The following B3GAT2 variants were observed in gnomAD, a reference collection of about 807,000 sequenced individuals.
B3GAT2 encodes the protein galactosylgalactosylxylosylprotein 3-beta-glucuronosyltransferase 2.
Under a neutral mutation model 27.8 loss-of-function variants are expected in B3GAT2, and 26 were observed. The observed-to-expected ratio is 0.93, with a 90% CI of 0.68 to 1.30. The LOEUF is 1.30. Ranked by LOEUF, B3GAT2 falls within the 50% of genes most tolerant of loss-of-function variation. The pLI is 0.00. For missense variants in B3GAT2, 458 were observed against 459.0 expected (o/e 1.00, Z 0.02); for synonymous variants, 218 against 195.1 (o/e 1.12, Z -0.98).
intron 1 of B3GAT2, among the ~76,000 whole-genome samples, chr6:70,934,787 T>C (rs1773116406): frequency 6.6e-6 from 1 of 152,200 alleles, no homozygotes; most frequent in Non-Finnish European, 1.5e-5. Flanking sequence ...CTAAATTCTA[T>C]CTCTAGCAAT....
At position 70,860,473 on chromosome 6, in the gene B3GAT2, GTTGGTCTGTA is replaced by G. The variant is rs1201528475; in HGVS notation, c.*1180_*1189del. ...TATTAAGAATGATCTGATTGACCGT[GTTGGTCTGTA>G]CTGATTCAATTTGATGTGGTGAAAA... On this transcript the variant is annotated 3_prime_UTR_variant, in exon 4 of 4. Transcript: ENST00000230053. 9.5e-7 allele frequency: 1 copy of G among 1,052,960 alleles called. No individual in the cohort carries two copies. The highest frequency in any genetic ancestry group is 1.3e-6 in the Non-Finnish European group (1 of 749,190). 65.2% of individuals were successfully genotyped at this position (1,052,960 alleles called of 1,614,324 possible).
chr6:70,886,780 T>A (rs1388495460), intron 2 of B3GAT2, among the ~76,000 whole-genome samples: 4 of 152,078 alleles, frequency 2.6e-5, no homozygotes, highest in African/African-American at 4.8e-5. Flanking sequence ...GGGCATCAAA[T>A]CCCTGCAAGT....
chr6:70,857,945 A>G lies in B3GAT2; in HGVS notation c.*3718T>C, dbSNP rs1771504423. The G allele has an allele frequency of 1.2e-6, 2 of 1,614,004 alleles. No individual in the cohort carries two copies. The highest frequency in any genetic ancestry group is 1.7e-6 in the Non-Finnish European group (2 of 1,180,002). On this transcript the variant is annotated 3_prime_UTR_variant, in exon 4 of 4. Transcript: ENST00000230053. ...AGGTGTATTTATGGGACCCACAAAT[A>G]TACCATTTACCTCACAAGCACCAGC... is the stretch of plus-strand genomic sequence containing the variant.
intron 1 of B3GAT2, among the ~76,000 whole-genome samples, chr6:70,948,507 AG>A (rs1358297247): frequency 6.6e-6 from 1 of 151,854 alleles, no homozygotes; most frequent in Non-Finnish European, 1.5e-5. Flanking sequence ...TAAAATACTT[AG>A]GAATCCAACT....
At chr6:70,866,831 A>G (rs937564977) in intron 2 of B3GAT2, among the ~76,000 whole-genome samples, 1 of 152,236 alleles carries the variant, frequency 6.6e-6, no homozygotes, top group Non-Finnish European at 1.5e-5. Flanking sequence ...AATGACATTT[A>G]TAGAACACTC....
intron 1 of B3GAT2, among the ~76,000 whole-genome samples, chr6:70,940,180 C>T (rs140799624): frequency 1.8e-4 from 28 of 152,218 alleles, no homozygotes; most frequent in Non-Finnish European, 3.7e-4. Context: ...CACACACACC[C>T]ACACCCTCTC....
intron 1 of B3GAT2, among the ~76,000 whole-genome samples, chr6:70,895,476 A>ACCT: frequency 7.4e-6 from 1 of 134,274 alleles, no homozygotes; most frequent in Non-Finnish European, 1.6e-5. Flanking sequence ...TTATTATCCT[A>ACCT]CCTTGTTCCA....
chr6:70,891,715 G>A (rs1209809855), intron 2 of B3GAT2, among the ~76,000 whole-genome samples: 9 of 151,866 alleles, frequency 5.9e-5, no homozygotes, highest in Non-Finnish European at 1.3e-4. Context: ...CTATCACAGA[G>A]CATTTTCAAA....
intron 1 of B3GAT2, among the ~76,000 whole-genome samples, chr6:70,935,761 A>T (rs1765262425): frequency 6.6e-6 from 1 of 152,238 alleles, no homozygotes; most frequent in Admixed American, 6.5e-5. Context: ...AGCACTAAAC[A>T]TGGAAAGGCA....
At chr6:70,938,660 T>C (rs972181149) in intron 1 of B3GAT2, among the ~76,000 whole-genome samples, 1 of 152,044 alleles carries the variant, frequency 6.6e-6, no homozygotes, top group African/African-American at 2.4e-5. Flanking sequence ...GGGAAAGGAT[T>C]CCCTATTTAA....
chr6:70,920,796 C>T (rs1772856413), intron 1 of B3GAT2, among the ~76,000 whole-genome samples: 1 of 152,184 alleles, frequency 6.6e-6, no homozygotes, highest in South Asian at 2.1e-4. Context: ...ATATTTGGCA[C>T]TCACTTAAGG....
intron 2 of B3GAT2, among the ~76,000 whole-genome samples, chr6:70,875,989 A>G (rs1004469384): frequency 6.6e-6 from 1 of 152,250 alleles, no homozygotes; most frequent in Non-Finnish European, 1.5e-5. Context: ...GGTTTAATTA[A>G]CTGAATACGG....
Position 70,860,121 on chromosome 6 carries a change from T to C in B3GAT2, c.*1542A>G. On this transcript the variant is annotated 3_prime_UTR_variant, in exon 4 of 4. Transcript: ENST00000230053. ...ACTAGTTGTCACATTAATGAAAAAA[T>C]GACCAACTGTGTGGCTAAAGAAACA... 3 of 1,464,812 alleles carry C rather than the reference T, an allele frequency of 2.0e-6. No individual in the cohort carries two copies. In the South Asian group the frequency reaches 4.5e-5, roughly 22 times the overall value. 90.7% of individuals were successfully genotyped at this position (1,464,812 alleles called of 1,614,324 possible). A position where few individuals can be genotyped will look rare whatever the true frequency, so the allele number is the denominator to read the frequency against.
At position 70,860,349 on chromosome 6, in the gene B3GAT2, G is replaced by C; in HGVS notation, c.*1314C>G. ...TGTGGAAATGAAAACTGCAATACAA[G>C]TTTCATCCAGAACTACCACCTGACA... On this transcript the variant is annotated 3_prime_UTR_variant, in exon 4 of 4. Transcript: ENST00000230053. 3 of 1,598,988 alleles carry C rather than the reference G, an allele frequency of 1.9e-6. No individual in the cohort carries two copies. The highest frequency in any genetic ancestry group is 2.6e-6 in the Non-Finnish European group (3 of 1,173,392).
chr6:70,877,101 A>C (rs1196782524), intron 2 of B3GAT2, among the ~76,000 whole-genome samples: 2 of 152,180 alleles, frequency 1.3e-5, no homozygotes, highest in Non-Finnish European at 2.9e-5. Context: ...TTGTAATCAA[A>C]AGTCAATTTT....
intron 2 of B3GAT2, among the ~76,000 whole-genome samples, chr6:70,876,534 A>G (rs1332511256): frequency 6.6e-6 from 1 of 152,230 alleles, no homozygotes; most frequent in African/African-American, 2.4e-5. Context: ...AAATGCAGAT[A>G]GCTATCATCT....
chr6:70,918,064 T>G (rs1019807519), intron 1 of B3GAT2, among the ~76,000 whole-genome samples: 1 of 152,190 alleles, frequency 6.6e-6, no homozygotes, highest in African/African-American at 2.4e-5. Flanking sequence ...TCTAAGAACT[T>G]GCTTTATGAA....
chr6:70,886,513 T>A (rs552617887), intron 2 of B3GAT2, among the ~76,000 whole-genome samples: 3 of 152,236 alleles, frequency 2.0e-5, no homozygotes, highest in African/African-American at 7.2e-5. Flanking sequence ...CTCCAATATG[T>A]AAATGCAGAG....
chr6:70,876,517 A>G (rs549529645), intron 2 of B3GAT2, among the ~76,000 whole-genome samples: 28 of 152,342 alleles, frequency 1.8e-4, no homozygotes, highest in African/African-American at 5.3e-4. Flanking sequence ...TGGTTTACAC[A>G]AATGTAAAAT....
Sources: gnomAD v4.1 joint callset for allele counts (sites outside exome capture counted in the v4.1 genomes callset) on GRCh38, gnomAD v4.1.1 for gene constraint, MANE v1.5 for transcripts, NCBI Gene and HGNC (gene_info 2026-07-23, HGNC 2026-07-21) for gene names.